The following FNIP1 variants were observed in gnomAD, a reference collection of about 807,000 sequenced individuals.
The protein encoded by FNIP1 is folliculin interacting protein 1, also known as folliculin-interacting protein 1.
A neutral mutation model predicts 124.5 loss-of-function variants in FNIP1; 40 were observed. That is an observed-to-expected ratio of 0.32 (90% confidence interval 0.25 to 0.42). The LOEUF (loss-of-function observed/expected upper bound fraction) is 0.42. Among genes scored for constraint, FNIP1 ranks in the 10% least tolerant of loss-of-function variants. FNIP1 has a pLI of 1.00. For synonymous variants in FNIP1, 472 were observed against 470.6 expected (o/e 1.00, Z -0.04); for missense variants, 1,176 against 1,403.7 (o/e 0.84, Z 2.59).
intron 3 of FNIP1, among the ~76,000 whole-genome samples, chr5:131,729,776 G>A (rs568108609): frequency 3.3e-5 from 5 of 150,186 alleles, no homozygotes; most frequent in South Asian, 4.2e-4. Context: ...ACAGAGGTTC[G>A]CTCTTGTTAC....
intron 15 of FNIP1, among the ~76,000 whole-genome samples, chr5:131,664,660 A>G (rs1031848481): frequency 6.2e-5 from 9 of 145,018 alleles, no homozygotes; most frequent in South Asian, 2.2e-4. Context: ...AAAAAAGAGC[A>G]ATAGGAGAAT....
intron 1 of FNIP1, among the ~76,000 whole-genome samples, chr5:131,752,943 A>G (rs1420588650): frequency 1.3e-5 from 2 of 152,114 alleles, no homozygotes; most frequent in Non-Finnish European, 2.9e-5. Flanking sequence ...GTGGTGGTGC[A>G]TGCCTGTAAT....
At chr5:131,693,674 T>A (rs925836574) in intron 11 of FNIP1, among the ~76,000 whole-genome samples, 5 of 152,030 alleles carry the variant, frequency 3.3e-5, no homozygotes, top group Non-Finnish European at 5.9e-5. Context: ...GGTTAGGTGA[T>A]GAGTTTTTAG....
At chr5:131,792,379 T>C (rs1306791544) in intron 1 of FNIP1, among the ~76,000 whole-genome samples, 1 of 152,214 alleles carries the variant, frequency 6.6e-6, no homozygotes, top group East Asian at 1.9e-4. Context: ...CAGGCTGGTC[T>C]GGAACTCCTG....
rs183547622 is a variant in FNIP1 at position 131,678,516 on chromosome 5, T to A, written c.1349+513A>T. ...TGTGCCTCCTGGATTCACGCCATTCTCCCGTCTCAGCCTCCCAAGTAGCTG... is the reference window on the plus strand; with the variant it reads ...TGTGCCTCCTGGATTCACGCCATTCACCCGTCTCAGCCTCCCAAGTAGCTG... On this transcript the variant is annotated intron_variant, in intron 12 of 17. Coordinates refer to ENST00000510461, the MANE Select transcript of FNIP1 (RefSeq NM_133372.3). 1.2e-3 allele frequency among the ~76,000 whole-genome samples: 188 copies of A among 152,272 alleles called. 1 individual carries two copies. Among genetic ancestry groups the A allele is most frequent in the African/African-American group, 4.3e-3 (180 of 41,536 alleles).
chr5:131,761,320 G>A (rs1281215654), intron 1 of FNIP1, among the ~76,000 whole-genome samples: 1 of 152,138 alleles, frequency 6.6e-6, no homozygotes, highest in Non-Finnish European at 1.5e-5. Context: ...AATTGGAAAG[G>A]AAGAAGTCAA....
intron 3 of FNIP1, among the ~76,000 whole-genome samples, chr5:131,719,862 T>C (rs780569038): frequency 1.3e-5 from 2 of 152,216 alleles, no homozygotes; most frequent in Non-Finnish European, 2.9e-5. Context: ...ATAAGAAGCA[T>C]CCATAAATGG....
At chr5:131,748,848 A>C (rs1052965685) in intron 1 of FNIP1, among the ~76,000 whole-genome samples, 8 of 152,182 alleles carry the variant, frequency 5.3e-5, no homozygotes, top group African/African-American at 1.9e-4. Flanking sequence ...TTCCAGAAAA[A>C]GGCATTATTA....
chr5:131,707,542 C>T lies in FNIP1; in HGVS notation c.779-996G>A, dbSNP rs553685125. Among the ~76,000 whole-genome samples the T allele has an allele frequency of 4.6e-5, 7 of 152,192 alleles. No homozygotes were observed. In the East Asian group the frequency reaches 1.4e-3, roughly 29 times the overall value. On this transcript the variant is annotated intron_variant, in intron 8 of 17. Coordinates refer to ENST00000510461, the MANE Select transcript of FNIP1 (RefSeq NM_133372.3). ...ATGATAGAGGATAAAGCTGTATGTG[C>T]CATGCAAACATGTAGACCATCAATG...
At chr5:131,644,879 C>T in intron 17 of FNIP1, 116 bp from the exon 18 acceptor site, 1 of 903,238 alleles carries the variant, frequency 1.1e-6, no homozygotes, top group Admixed American at 2.6e-5. Flanking sequence ...AGGAGCTAGG[C>T]CACTCTGGCC....
At chr5:131,693,071 T>G (rs1768535621) in intron 11 of FNIP1, among the ~76,000 whole-genome samples, 1 of 150,810 alleles carries the variant, frequency 6.6e-6, no homozygotes, top group Non-Finnish European at 1.5e-5. Flanking sequence ...TCATGGCAAC[T>G]ACAGTTAATA....
intron 2 of FNIP1, among the ~76,000 whole-genome samples, chr5:131,743,124 C>A (rs576746258): frequency 6.6e-6 from 1 of 151,780 alleles, no homozygotes; most frequent in South Asian, 2.1e-4. Context: ...AATAAATCTA[C>A]CTAGAGAAAA....
chr5:131,749,365 G>A (rs369824544), intron 1 of FNIP1, among the ~76,000 whole-genome samples: 18 of 149,782 alleles, frequency 1.2e-4, no homozygotes, highest in Admixed American at 2.7e-4. Flanking sequence ...TGAATGGATC[G>A]CCCTATATAA....
rs139476721 is a variant in FNIP1 at position 131,678,123 on chromosome 5, T to A, written c.1350-251A>T. Among the ~76,000 whole-genome samples the A allele has an allele frequency of 3.6e-3, 554 of 152,340 alleles. 2 individuals carry two copies. The highest frequency in any genetic ancestry group is 0.013 in the African/African-American group (521 of 41,576). Reference sequence around the variant, plus strand: ...CATTCATAAGAGCTATTGCAGATCGTAAGTACAAAACAGAAATGCCATTTT... The same window carrying A: ...CATTCATAAGAGCTATTGCAGATCGAAAGTACAAAACAGAAATGCCATTTT... On this transcript the variant is annotated intron_variant, in intron 12 of 17. Transcript: ENST00000510461.
intron 2 of FNIP1, among the ~76,000 whole-genome samples, chr5:131,736,869 C>T (rs78349173): frequency 0.01 from 1,537 of 152,184 alleles, 32 homozygotes; most frequent in African/African-American, 0.036. Flanking sequence ...TACACATTGA[C>T]GTATTCAAAG....
At chr5:131,692,188 T>C (rs559094156) in intron 11 of FNIP1, among the ~76,000 whole-genome samples, 1 of 152,220 alleles carries the variant, frequency 6.6e-6, no homozygotes, top group African/African-American at 2.4e-5. Flanking sequence ...AACTAATAAA[T>C]GATTATAATG....
intron 10 of FNIP1, 96 bp downstream of exon 10, chr5:131,703,969 C>G (rs559400676): frequency 5.7e-6 from 6 of 1,055,560 alleles, no homozygotes; most frequent in Non-Finnish European, 5.4e-6. Context: ...ACATGCACAA[C>G]GTCTGTTAAT....
intron 3 of FNIP1, among the ~76,000 whole-genome samples, chr5:131,720,335 A>G (rs1769616931): frequency 1.3e-5 from 2 of 152,204 alleles, no homozygotes; most frequent in South Asian, 4.1e-4. Flanking sequence ...ATCATGCACA[A>G]AAATCAACTG....
intron 15 of FNIP1, among the ~76,000 whole-genome samples, chr5:131,653,175 C>T (rs543985472): frequency 1.3e-5 from 2 of 151,842 alleles, no homozygotes; most frequent in East Asian, 1.9e-4. Context: ...AGTATGAATA[C>T]AGCAGTTAAA....
Sources: allele counts gnomAD v4.1 joint callset (sites outside exome capture counted in the v4.1 genomes callset), GRCh38; gene constraint gnomAD v4.1.1; transcripts MANE v1.5; gene names NCBI Gene and HGNC (gene_info 2026-07-23, HGNC 2026-07-21).